The following PCDHB4 variants were observed in gnomAD, a reference collection of about 807,000 sequenced individuals.
PCDHB4 encodes protocadherin beta 4.
For synonymous variants in PCDHB4, 482 were observed against 447.3 expected (o/e 1.08, Z -0.98); for missense variants, 1,063 against 1,007.0 (o/e 1.06, Z -0.75).
chr5:141,122,577 G>A lies in PCDHB4; in HGVS notation c.579G>A (p.Leu193=), dbSNP rs1554274369. 6.2e-7 allele frequency: 1 copy of A among 1,614,206 alleles called. No individual in the cohort carries two copies. Among genetic ancestry groups the A allele is most frequent in the African/African-American group, 1.3e-5 (1 of 75,052 alleles). The change falls in exon 1 of 1, where the codon TTG becomes TTA. Residue 193 remains leucine, a synonymous_variant. Coordinates refer to ENST00000194152, the MANE Select transcript of PCDHB4 (RefSeq NM_018938.4). ...NHSEGKKYPD[L]VQDKPLDREE... ...GTGAGGGCAAGAAATACCCAGATTT[G>A]GTGCAGGACAAACCACTGGATCGAG...
chr5:141,122,815 T>A lies in PCDHB4; in HGVS notation c.817T>A (p.Phe273Ile). ...VLARDIDAGN[F>I]GSVSYGLFQA... is the part of the protein sequence containing the mutation. ...AGCTAGAGATATAGATGCTGGAAACTTCGGGAGTGTTTCTTATGGCTTATT... is the reference window on the plus strand; with the variant it reads ...AGCTAGAGATATAGATGCTGGAAACATCGGGAGTGTTTCTTATGGCTTATT... The change falls in exon 1 of 1, where the codon TTC becomes ATC. Residue 273 changes from phenylalanine (F) to isoleucine (I), a missense_variant. Physicochemically the swap from Phe to Ile is conservative, Grantham distance 21. Transcript: ENST00000194152. The A allele has an allele frequency of 6.2e-7, 1 of 1,614,082 alleles. No individual in the cohort carries two copies. Among genetic ancestry groups the A allele is most frequent in the Non-Finnish European group, 8.5e-7 (1 of 1,179,966 alleles).
Position 141,122,569 on chromosome 5 carries a change from C to G in PCDHB4, c.571C>G (p.Pro191Ala), listed in dbSNP as rs781841315. 3 of 1,614,068 alleles carry G rather than the reference C, an allele frequency of 1.9e-6. No individual in the cohort carries two copies. Among genetic ancestry groups the G allele is most frequent in the Non-Finnish European group, 2.5e-6 (3 of 1,180,030 alleles). Residue 191 changes from proline (P) to alanine (A), a missense_variant, in exon 1 of 1, where the codon CCA (proline) becomes GCA (alanine). Pro to Ala is a conservative substitution (Grantham distance 27). Coordinates refer to ENST00000194152, the MANE Select transcript of PCDHB4 (RefSeq NM_018938.4). ...AAATCATAGTGAGGGCAAGAAATACCCAGATTTGGTGCAGGACAAACCACT... is the reference window on the plus strand; with the variant it reads ...AAATCATAGTGAGGGCAAGAAATACGCAGATTTGGTGCAGGACAAACCACT... ...TRNHSEGKKY[P>A]DLVQDKPLDR...
Position 141,123,372 on chromosome 5 carries a change from C to G in PCDHB4, c.1374C>G (p.Phe458Leu). 6.2e-7 allele frequency: 1 copy of G among 1,613,922 alleles called. No individual in the cohort carries two copies. Among genetic ancestry groups the G allele is most frequent in the Non-Finnish European group, 8.5e-7 (1 of 1,180,032 alleles). ...TCACCCAAACCTCCTACACCCTGTT[C>G]GTCCGCGAGAACAACAGCCCCGCCC... ...PAFTQTSYTL[F>L]VRENNSPALH... The change falls in exon 1 of 1, where the codon TTC becomes TTG. Residue 458 changes from phenylalanine to leucine, a missense_variant. Coordinates refer to ENST00000194152, the MANE Select transcript of PCDHB4 (RefSeq NM_018938.4).
chr5:141,122,231 G>A lies in PCDHB4; in HGVS notation c.233G>A (p.Arg78His), dbSNP rs1266738519. ...DDDKQRLQLD[R>H]QTGDLLLREK... ...GACAAGCAGCGTTTGCAGCTGGATC[G>A]TCAGACTGGAGATTTGCTTCTGAGG... The change falls in exon 1 of 1, where the codon CGT (arginine) becomes CAT (histidine). Residue 78 changes from arginine (R) to histidine (H), a missense_variant. Coordinates refer to ENST00000194152, the MANE Select transcript of PCDHB4 (RefSeq NM_018938.4). The A allele has an allele frequency of 3.7e-6, 6 of 1,613,996 alleles. No homozygotes were observed. The African/African-American group carries it at 4.0e-5, about 11-fold the overall frequency.
Position 141,124,262 on chromosome 5 carries a change from C to G in PCDHB4, c.2264C>G (p.Thr755Arg), listed in dbSNP as rs782185062. 3.7e-6 allele frequency: 6 copies of G among 1,614,196 alleles called. No individual in the cohort carries two copies. Among genetic ancestry groups the G allele is most frequent in the Non-Finnish European group, 5.1e-6 (6 of 1,180,024 alleles). ...AGCTACCAGTACGAGGTGTGTCTGACAGGAGACTCTGGGACTGGTGAGTTC... is the reference window on the plus strand; with the variant it reads ...AGCTACCAGTACGAGGTGTGTCTGAGAGGAGACTCTGGGACTGGTGAGTTC... ...SQSYQYEVCL[T>R]GDSGTGEFKF... The change falls in exon 1 of 1, where the codon ACA becomes AGA. Residue 755 changes from threonine (T) to arginine (R), a missense_variant. By Grantham distance (71) the Thr-to-Arg change is moderately conservative. Coordinates refer to ENST00000194152, the MANE Select transcript of PCDHB4 (RefSeq NM_018938.4).
rs1554274318 is a variant in PCDHB4, at chr5:141,122,295, A to G, written c.297A>G (p.Glu99=). Residue 99 remains glutamate (E), a synonymous_variant, in exon 1 of 1, where the codon GAA becomes GAG. Transcript: ENST00000194152. ...GGGAAGAGCTCTGTGGTCCTATTGA[A>G]CCGTGTGTACTGCATTTCCAAGTGT... The part of the protein sequence containing the change: ...LDREELCGPI[E]PCVLHFQVFL... 2 of 1,613,948 alleles carry G rather than the reference A, an allele frequency of 1.2e-6. No individual in the cohort carries two copies. Among genetic ancestry groups the G allele is most frequent in the South Asian group, 2.2e-5 (2 of 91,076 alleles).
In PCDHB4 at chr5:141,123,309, C is replaced by A. The variant is rs782788058; in HGVS notation, c.1311C>A (p.Thr437=). The change falls in exon 1 of 1, where the codon ACC becomes ACA. Residue 437 remains threonine (T), a synonymous_variant. Transcript: ENST00000194152. ...TPRLKTQQNI[T]VQVSDVNDNA... ...GGCTGAAAACCCAGCAGAACATAAC[C>A]GTGCAGGTCTCCGACGTCAATGACA... 1 of 1,614,154 alleles carries A rather than the reference C, an allele frequency of 6.2e-7. No homozygotes were observed. The highest frequency in any genetic ancestry group is 8.5e-7 in the Non-Finnish European group (1 of 1,180,032).
rs144744003 is a variant in PCDHB4 at position 141,124,044 on chromosome 5, C to G, written c.2046C>G (p.Ala682=). Residue 682 remains alanine (A), a synonymous_variant, in exon 1 of 1, where the codon GCC becomes GCG. Coordinates refer to ENST00000194152, the MANE Select transcript of PCDHB4 (RefSeq NM_018938.4). ...LPEAAPAQAQ[A]DSLTVYLVVA... is the part of the protein sequence containing the mutation. ...AGGCGGCCCCGGCCCAGGCCCAGGC[C>G]GACTCTCTCACCGTCTACCTGGTGG... 2.5e-6 allele frequency: 4 copies of G among 1,606,558 alleles called. No homozygotes were observed. The highest frequency in any genetic ancestry group is 2.5e-6 in the Non-Finnish European group (3 of 1,179,738).
chr5:141,122,408 T>C lies in PCDHB4; in HGVS notation c.410T>C (p.Val137Ala). ...DHSPIFPERE[V>A]LLKILENSQP... ...TCTCCAATATTCCCTGAAAGGGAAG[T>C]GCTCTTGAAAATACTAGAAAATAGC... is the stretch of plus-strand genomic sequence containing the variant. The change falls in exon 1 of 1, where the codon GTG becomes GCG. Residue 137 changes from valine (V) to alanine (A), a missense_variant. By Grantham distance (64) the Val-to-Ala change is moderately conservative. Transcript: ENST00000194152. 1 of 1,614,202 alleles carries C rather than the reference T, an allele frequency of 6.2e-7. No homozygotes were observed.
Position 141,122,114 on chromosome 5 carries a change from A to G in PCDHB4, c.116A>G (p.Glu39Gly), listed in dbSNP as rs1436195024. 1.2e-6 allele frequency: 2 copies of G among 1,614,076 alleles called. No individual in the cohort carries two copies. Among genetic ancestry groups the G allele is most frequent in the Non-Finnish European group, 1.7e-6 (2 of 1,180,052 alleles). ...PIRYSVLEETESGSFVAHLAK... is the reference protein window; with the variant it reads ...PIRYSVLEETGSGSFVAHLAK... ...CGTTATTCTGTGTTGGAGGAAACAG[A>G]GAGCGGCTCCTTTGTAGCCCATCTG... The change falls in exon 1 of 1, where the codon GAG (glutamate) becomes GGG (glycine). Residue 39 changes from glutamate to glycine, a missense_variant. By Grantham distance (98) the Glu-to-Gly change is moderately conservative. Transcript: ENST00000194152.
Position 141,122,959 on chromosome 5 carries a change from A to T in PCDHB4, c.961A>T (p.Thr321Ser). Residue 321 changes from threonine (T) to serine (S), a missense_variant, in exon 1 of 1, where the codon ACA (threonine) becomes TCA (serine). Physicochemically the swap from Thr to Ser is moderately conservative, Grantham distance 58. Transcript: ENST00000194152. Reference sequence around the variant, plus strand: ...ATCTTACCATGTAGAAATTGAGGCCACAGATGGAGGAGGCCTTTCTGGAAA... The same window carrying T: ...ATCTTACCATGTAGAAATTGAGGCCTCAGATGGAGGAGGCCTTTCTGGAAA... ...IKSYHVEIEA[T>S]DGGGLSGKGT... The T allele has an allele frequency of 6.2e-7, 1 of 1,612,686 alleles. No individual in the cohort carries two copies. Among genetic ancestry groups the T allele is most frequent in the Non-Finnish European group, 8.5e-7 (1 of 1,179,556 alleles).
In PCDHB4 at chr5:141,123,675, C is replaced by A. The variant is rs553336245; in HGVS notation, c.1677C>A (p.Phe559Leu). The change falls in exon 1 of 1, where the codon TTC (phenylalanine) becomes TTA (leucine). Residue 559 changes from phenylalanine (F) to leucine (L), a missense_variant. Transcript: ENST00000194152. Reference protein sequence around the residue: ...LVLDTNDNSPFVLYPLQNGSA... With the variant: ...LVLDTNDNSPLVLYPLQNGSA... Reference sequence around the variant, plus strand: ...TGGACACCAACGACAACTCGCCCTTCGTGCTGTACCCGCTGCAGAATGGCT... The same window carrying A: ...TGGACACCAACGACAACTCGCCCTTAGTGCTGTACCCGCTGCAGAATGGCT... 3 of 1,611,270 alleles carry A rather than the reference C, an allele frequency of 1.9e-6. No homozygotes were observed. Among genetic ancestry groups the A allele is most frequent in the Admixed American group, 1.7e-5 (1 of 59,988 alleles).
Position 141,124,088 on chromosome 5 carries a change from C to T in PCDHB4, c.2090C>T (p.Ser697Leu). Residue 697 changes from serine (S) to leucine (L), a missense_variant, in exon 1 of 1, where the codon TCG becomes TTG. By Grantham distance (145) the Ser-to-Leu change is moderately radical. Coordinates refer to ENST00000194152, the MANE Select transcript of PCDHB4 (RefSeq NM_018938.4). The stretch of plus-strand genomic sequence containing the variant: ...CTGGTGGTGGCGTTGGCCTCGGTGT[C>T]GTCGCTCTTCCTCTTCTCGGTGCTC... ...VYLVVALASV[S>L]SLFLFSVLLF... 1 of 1,608,436 alleles carries T rather than the reference C, an allele frequency of 6.2e-7. No homozygotes were observed. Among genetic ancestry groups the T allele is most frequent in the South Asian group, 1.1e-5 (1 of 91,002 alleles).
Position 141,123,392 on chromosome 5 carries a change from C to T in PCDHB4, c.1394C>T (p.Pro465Leu). The stretch of plus-strand genomic sequence containing the variant: ...CTGTTCGTCCGCGAGAACAACAGCC[C>T]CGCCCTGCACATCGGCAGTGTCAGC... ...YTLFVRENNS[P>L]ALHIGSVSAT... Residue 465 changes from proline (P) to leucine (L), a missense_variant, in exon 1 of 1, where the codon CCC becomes CTC. Coordinates refer to ENST00000194152, the MANE Select transcript of PCDHB4 (RefSeq NM_018938.4). 6.2e-7 allele frequency: 1 copy of T among 1,613,696 alleles called. No homozygotes were observed. The highest frequency in any genetic ancestry group is 8.5e-7 in the Non-Finnish European group (1 of 1,180,032).
chr5:141,122,736 T>A lies in PCDHB4; in HGVS notation c.738T>A (p.Tyr246Ter). The change falls in exon 1 of 1, where the codon TAT (tyrosine) becomes TAA (stop). Residue 246 changes from tyrosine to a stop codon, truncating the protein, a stop_gained. Transcript: ENST00000194152. LOFTEE classifies it low-confidence loss of function (END_TRUNC). ...CTCCTGAGTTTGTGCACACTCCATA[T>A]GGGGTGCAGGTCCTGGAAAACAGCC... Reference protein sequence around the residue: ...DNAPEFVHTPYGVQVLENSPL... With the variant: ...DNAPEFVHTP 1 of 1,613,962 alleles carries A rather than the reference T, an allele frequency of 6.2e-7. No homozygotes were observed. Among genetic ancestry groups the A allele is most frequent in the Non-Finnish European group, 8.5e-7 (1 of 1,179,848 alleles).
At position 141,123,373 on chromosome 5, in the gene PCDHB4, G is replaced by C. The variant is rs142630785; in HGVS notation, c.1375G>C (p.Val459Leu). 5.5e-4 allele frequency: 890 copies of C among 1,613,850 alleles called. No individual in the cohort carries two copies. The highest frequency in any genetic ancestry group is 7.0e-4 in the Non-Finnish European group (829 of 1,180,026). The change falls in exon 1 of 1, where the codon GTC becomes CTC. Residue 459 changes from valine (V) to leucine (L), a missense_variant. By Grantham distance (32) the Val-to-Leu change is conservative. Transcript: ENST00000194152. Reference sequence around the variant, plus strand: ...CACCCAAACCTCCTACACCCTGTTCGTCCGCGAGAACAACAGCCCCGCCCT... The same window carrying C: ...CACCCAAACCTCCTACACCCTGTTCCTCCGCGAGAACAACAGCCCCGCCCT... The part of the protein sequence containing the change: ...AFTQTSYTLF[V>L]RENNSPALHI...
Position 141,124,483 on chromosome 5 carries a change from A to G in PCDHB4, c.*97A>G. The G allele has an allele frequency of 9.3e-7, 1 of 1,075,328 alleles. No homozygotes were observed. 66.6% of individuals were successfully genotyped at this position (1,075,328 alleles called of 1,614,324 possible). A position where few individuals can be genotyped will look rare whatever the true frequency, so the allele number is the denominator to read the frequency against. ...AAATTGTCTACTTATCTAAATATTCATACCACAATTTCAAACCTACTCATG... is the reference window on the plus strand; with the variant it reads ...AAATTGTCTACTTATCTAAATATTCGTACCACAATTTCAAACCTACTCATG... On this transcript the variant is annotated 3_prime_UTR_variant, in exon 1 of 1. Coordinates refer to ENST00000194152, the MANE Select transcript of PCDHB4 (RefSeq NM_018938.4).
In PCDHB4 at chr5:141,121,881, C is replaced by A; in HGVS notation, c.-118C>A. ...CGGCTTGGGGCAGCGATATACTAAA[C>A]AAATTTAATATTAAAAGCAACTGTG... On this transcript the variant is annotated 5_prime_UTR_variant, in exon 1 of 1. Transcript: ENST00000194152. 1.4e-6 allele frequency: 1 copy of A among 708,048 alleles called. No individual in the cohort carries two copies. The highest frequency in any genetic ancestry group is 2.3e-6 in the Non-Finnish European group (1 of 427,018). The allele number at this position is 708,048 out of a possible 1,614,324, so 43.9% of individuals were successfully genotyped here. A position where few individuals can be genotyped will look rare whatever the true frequency, so the allele number is the denominator to read the frequency against.
Position 141,122,939 on chromosome 5 carries a change from A to G in PCDHB4, c.941A>G (p.Tyr314Cys). ...KKLDFEKIKS[Y>C]HVEIEATDGG... ...TTGGATTTCGAAAAAATTAAATCTT[A>G]CCATGTAGAAATTGAGGCCACAGAT... Residue 314 changes from tyrosine to cysteine, a missense_variant, in exon 1 of 1, where the codon TAC (tyrosine) becomes TGC (cysteine). Tyr to Cys is a radical substitution (Grantham distance 194). Transcript: ENST00000194152. 6.2e-7 allele frequency: 1 copy of G among 1,611,632 alleles called. No homozygotes were observed. Among genetic ancestry groups the G allele is most frequent in the Non-Finnish European group, 8.5e-7 (1 of 1,179,360 alleles).
Sources: gnomAD v4.1 joint callset for allele counts on GRCh38, gnomAD v4.1.1 for gene constraint, MANE v1.5 for transcripts, NCBI Gene and HGNC (gene_info 2026-07-23, HGNC 2026-07-21) for gene names.